Variants in INTU observed in about 807,000 individuals in gnomAD.
INTU encodes protein inturned.
A neutral mutation model predicts 100.5 loss-of-function variants in INTU; 68 were observed. That is an observed-to-expected ratio of 0.68 (90% CI 0.56 to 0.83). INTU has a LOEUF of 0.83. INTU is among the 40% of genes least tolerant of loss of function. INTU has a pLI of 0.00. For missense variants in INTU, 1,071 were observed against 1,114.7 expected (o/e 0.96, Z 0.56); for synonymous variants, 357 against 395.7 (o/e 0.90, Z 1.16).
At chr4:127,670,485 CTATT>C (rs1728876573) in intron 5 of INTU, among the ~76,000 whole-genome samples, 1 of 151,874 alleles carries the variant, frequency 6.6e-6, no homozygotes, top group African/African-American at 2.4e-5. Context: ...ACTGGAGGCT[CTATT>C]TAGTTTATAA....
chr4:127,645,224 G>C (rs1727521784), intron 2 of INTU, among the ~76,000 whole-genome samples: 1 of 152,196 alleles, frequency 6.6e-6, no homozygotes, highest in East Asian at 1.9e-4. Context: ...GTGGGCCGGT[G>C]ACTACAGCTT....
chr4:127,712,395 A>T (rs1731125863), intron 14 of INTU, among the ~76,000 whole-genome samples: 1 of 152,150 alleles, frequency 6.6e-6, no homozygotes, highest in South Asian at 2.1e-4. Context: ...TAAATGTTAT[A>T]AAGGAATATT....
At chr4:127,707,101 G>A in intron 12 of INTU, 132 bp downstream of exon 12, 3 of 1,071,766 alleles carry the variant, frequency 2.8e-6, no homozygotes, top group Non-Finnish European at 4.0e-6. Context: ...AGTCACTGCT[G>A]GCAAACCAAT....
chr4:127,651,155 C>G (rs1473081968), intron 2 of INTU, among the ~76,000 whole-genome samples: 2 of 151,702 alleles, frequency 1.3e-5, no homozygotes, highest in Non-Finnish European at 2.9e-5. Flanking sequence ...AAATTTTCTC[C>G]CATTTTGTAG....
chr4:127,680,247 C>G (rs1729463940), intron 6 of INTU, among the ~76,000 whole-genome samples: 1 of 152,020 alleles, frequency 6.6e-6, no homozygotes, highest in Non-Finnish European at 1.5e-5. Flanking sequence ...CTCCCTAACT[C>G]ATTTTATGAG....
chr4:127,682,685 T>A (rs1057286412), intron 6 of INTU, among the ~76,000 whole-genome samples: 4 of 151,604 alleles, frequency 2.6e-5, no homozygotes, highest in Admixed American at 6.6e-5. Flanking sequence ...GCATGGCACA[T>A]GTATACATAT....
intron 2 of INTU, among the ~76,000 whole-genome samples, chr4:127,655,577 C>A (rs1268474923): frequency 2.0e-5 from 3 of 151,364 alleles, no homozygotes; most frequent in Non-Finnish European, 2.9e-5. Context: ...GCAGTCTGCC[C>A]ATTCTCAGAT....
intron 4 of INTU, among the ~76,000 whole-genome samples, chr4:127,666,799 G>A (rs1227920030): frequency 6.6e-6 from 1 of 152,150 alleles, no homozygotes; most frequent in Non-Finnish European, 1.5e-5. Flanking sequence ...ACAGAAGTGA[G>A]ATTTAAAATG....
Position 127,656,672 on chromosome 4 carries a change from C to G in INTU, c.719C>G (p.Thr240Ser). The part of the protein sequence containing the change: ...VLVAVNDVDV[T>S]TENIERVLSC... ...GTTGCTGTGAATGATGTCGATGTTA[C>G]TACTGAAAACATCGAGAGAGTTCTG... The change falls in exon 3 of 16, where the codon ACT becomes AGT. Residue 240 changes from threonine (T) to serine (S), a missense_variant. Coordinates refer to ENST00000335251, the MANE Select transcript of INTU (RefSeq NM_015693.4). The G allele has an allele frequency of 6.2e-7, 1 of 1,610,650 alleles. No individual in the cohort carries two copies.
intron 8 of INTU, among the ~76,000 whole-genome samples, chr4:127,692,633 G>T (rs990142365): frequency 1.3e-5 from 2 of 152,090 alleles, no homozygotes; most frequent in Non-Finnish European, 2.9e-5. Flanking sequence ...ATTTGCTTTT[G>T]GGTTCTTGGT....
chr4:127,641,990 A>G (rs1457618961), intron 1 of INTU, among the ~76,000 whole-genome samples: 1 of 152,128 alleles, frequency 6.6e-6, no homozygotes, highest in Non-Finnish European at 1.5e-5. Context: ...TAAGGCTGAT[A>G]CACTTTATTC....
intron 2 of INTU, among the ~76,000 whole-genome samples, chr4:127,652,292 T>A (rs893209378): frequency 6.7e-6 from 1 of 149,548 alleles, no homozygotes; most frequent in Non-Finnish European, 1.5e-5. Context: ...ATCCCTGTCT[T>A]GTGCCAGTTT....
rs769388700 is a variant in INTU, at chr4:127,717,974, A to G, written c.*1538A>G. On this transcript the variant is annotated 3_prime_UTR_variant, in exon 16 of 16. Transcript: ENST00000335251. ...CTGATGATAGTTTCTTTTGCTGTGC[A>G]GAAGGTCTTTAATTTAACTAGATCC... is the stretch of plus-strand genomic sequence containing the variant. 3 of 152,150 alleles carry G rather than the reference A, an allele frequency of 2.0e-5. No homozygotes were observed. The highest frequency in any genetic ancestry group is 7.2e-5 in the African/African-American group (3 of 41,432). 9.4% of individuals were successfully genotyped at this position (152,150 alleles called of 1,614,324 possible).
intron 4 of INTU, 106 bp from the exon 5 acceptor site, chr4:127,668,929 TG>T (rs1335373287): frequency 3.6e-6 from 2 of 562,540 alleles, no homozygotes; most frequent in Non-Finnish European, 6.5e-6. Context: ...CCACTGAAGC[TG>T]AAAGGATTCA....
chr4:127,699,174 A>C (rs1730532548), intron 8 of INTU: 1 of 152,236 alleles, frequency 6.6e-6, no homozygotes, highest in Non-Finnish European at 1.5e-5. Context: ...ATCTCAAAAA[A>C]AAGGGATTCT....
chr4:127,682,034 C>T (rs1457857960), intron 6 of INTU, among the ~76,000 whole-genome samples: 1 of 144,506 alleles, frequency 6.9e-6, no homozygotes, highest in East Asian at 1.9e-4. Context: ...CAGAGAAATG[C>T]AAATCAAAAC....
intron 6 of INTU, among the ~76,000 whole-genome samples, chr4:127,678,788 T>G (rs1729364984): frequency 6.6e-6 from 1 of 152,148 alleles, no homozygotes; most frequent in Non-Finnish European, 1.5e-5. Flanking sequence ...AATGCTCCAG[T>G]TAAAAGACAC....
chr4:127,713,739 G>C (rs886125725), intron 14 of INTU, among the ~76,000 whole-genome samples, 197 bp from the exon 15 acceptor site: 9 of 152,134 alleles, frequency 5.9e-5, no homozygotes, highest in African/African-American at 2.2e-4. Flanking sequence ...AAAGTCAAGG[G>C]ACACTTTATC....
chr4:127,682,558 A>T (rs1163916614), intron 6 of INTU, among the ~76,000 whole-genome samples: 1 of 136,146 alleles, frequency 7.3e-6, no homozygotes, highest in African/African-American at 2.8e-5. Context: ...GAACACATGG[A>T]CACAGGAAGG....
Sources: gnomAD v4.1 joint callset for allele counts (sites outside exome capture counted in the v4.1 genomes callset) on GRCh38, gnomAD v4.1.1 for gene constraint, MANE v1.5 for transcripts, NCBI Gene and HGNC (gene_info 2026-07-23, HGNC 2026-07-21) for gene names.